TRPC4: variants seen among roughly 807,000 people sequenced by gnomAD.
TRPC4 encodes short transient receptor potential channel 4.
A neutral mutation model predicts 99.4 loss-of-function variants in TRPC4; 49 were observed. The ratio of observed to expected loss-of-function variants is 0.49; its 90% CI spans 0.39 to 0.63. The LOEUF (loss-of-function observed/expected upper bound fraction) is 0.63. Ranked by LOEUF, TRPC4 falls within the 20% of genes least tolerant of loss-of-function variation. TRPC4 has a pLI of 0.00. For synonymous variants in TRPC4, 454 were observed against 425.9 expected (o/e 1.07, Z -0.81); for missense variants, 898 against 1,152.9 (o/e 0.78, Z 3.20).
In TRPC4 at chr13:37,663,406, T is replaced by C. The variant is rs371637545; in HGVS notation, c.1688+10A>G. ...ACAACATTACCAGTAGAAATGTCTA[T>C]TAGACTTACGTTGAAAATGCATTAT... On this transcript the variant is annotated intron_variant, in intron 6 of 10. Coordinates refer to ENST00000379705, the MANE Select transcript of TRPC4 (RefSeq NM_016179.4). 1 of 1,605,634 alleles carries C rather than the reference T, an allele frequency of 6.2e-7. No homozygotes were observed. Among genetic ancestry groups the C allele is most frequent in the African/African-American group, 1.3e-5 (1 of 74,700 alleles).
intron 3 of TRPC4, among the ~76,000 whole-genome samples, chr13:37,730,117 C>T (rs559488497): frequency 5.3e-5 from 8 of 151,830 alleles, no homozygotes; most frequent in East Asian, 3.9e-4. Flanking sequence ...AGGTTTCCAG[C>T]GAAAACATTA....
chr13:37,828,739 AC>A (rs1172488316), intron 1 of TRPC4, among the ~76,000 whole-genome samples: 13 of 152,232 alleles, frequency 8.5e-5, no homozygotes, highest in Admixed American at 3.3e-4. Flanking sequence ...GGAACAGAAA[AC>A]CAAATACCAC....
chr13:37,741,662 A>G (rs1308545910), intron 3 of TRPC4, among the ~76,000 whole-genome samples: 1 of 151,820 alleles, frequency 6.6e-6, no homozygotes, highest in African/African-American at 2.4e-5. Flanking sequence ...ACAACGTGAA[A>G]GCAAAGAAAA....
intron 3 of TRPC4, among the ~76,000 whole-genome samples, chr13:37,705,613 G>A (rs907252166): frequency 9.2e-5 from 14 of 151,894 alleles, no homozygotes; most frequent in Non-Finnish European, 1.5e-4. Context: ...AAAGAAAATC[G>A]TATGCATGAC....
At chr13:37,819,834 A>C (rs1957963855) in intron 1 of TRPC4, among the ~76,000 whole-genome samples, 1 of 151,938 alleles carries the variant, frequency 6.6e-6, no homozygotes, top group East Asian at 1.9e-4. Context: ...AAAGTTAAAA[A>C]AAAAAACAAA....
intron 3 of TRPC4, among the ~76,000 whole-genome samples, chr13:37,698,185 G>T (rs1383067018): frequency 3.8e-3 from 1 of 260 alleles, no homozygotes; most frequent in Non-Finnish European, 0.025. Flanking sequence ...TTTTGAGTGG[G>T]AATCTCACTC....
Position 37,783,342 on chromosome 13 carries a change from C to A in TRPC4, c.-9G>T. ...TAATAGAACTGAGCCATGTTTCATG[C>A]CATGCTATTTCTTCGTCTCTGAAAG... On this transcript the variant is annotated 5_prime_UTR_variant, in exon 2 of 11. Transcript: ENST00000379705. 2 of 1,529,816 alleles carry A rather than the reference C, an allele frequency of 1.3e-6. No homozygotes were observed. Among genetic ancestry groups the A allele is most frequent in the South Asian group, 1.3e-5 (1 of 76,716 alleles). The allele number at this position is 1,529,816 out of a possible 1,614,324, so 94.8% of individuals were successfully genotyped here. A position where few individuals can be genotyped will look rare whatever the true frequency, so the allele number is the denominator to read the frequency against.
intron 1 of TRPC4, among the ~76,000 whole-genome samples, chr13:37,789,430 C>G (rs994451071): frequency 6.6e-6 from 1 of 152,046 alleles, no homozygotes; most frequent in Non-Finnish European, 1.5e-5. Flanking sequence ...CTTTATAAAC[C>G]CTGTGGATCT....
chr13:37,646,004 C>T (rs1397462714), intron 8 of TRPC4, among the ~76,000 whole-genome samples: 1 of 152,318 alleles, frequency 6.6e-6, no homozygotes, highest in Non-Finnish European at 1.5e-5. Flanking sequence ...TGTCATTAGG[C>T]CTACTAAGCG....
chr13:37,851,194 T>A (rs1224073860), intron 1 of TRPC4, among the ~76,000 whole-genome samples: 1 of 152,192 alleles, frequency 6.6e-6, no homozygotes, highest in Non-Finnish European at 1.5e-5. Context: ...TTAAAATTAG[T>A]CTCCAGTCAT....
intron 2 of TRPC4, among the ~76,000 whole-genome samples, chr13:37,768,664 ACACACACG>A (rs1159590940): frequency 2.0e-3 from 51 of 24,928 alleles, no homozygotes; most frequent in African/African-American, 0.01. Flanking sequence ...ACACATACGA[ACACACACG>A]CACACACACA....
At chr13:37,756,892 A>G (rs1329727450) in intron 2 of TRPC4, among the ~76,000 whole-genome samples, 1 of 152,034 alleles carries the variant, frequency 6.6e-6, no homozygotes, top group African/African-American at 2.4e-5. Context: ...GAAAATAATT[A>G]TAATAAACAC....
intron 1 of TRPC4, among the ~76,000 whole-genome samples, chr13:37,795,172 C>T (rs1375053893): frequency 4.1e-5 from 6 of 147,430 alleles, no homozygotes; most frequent in African/African-American, 1.5e-4. Context: ...TTTACAAATT[C>T]ACACATGTAT....
At chr13:37,684,731 AT>A (rs933940309) in intron 4 of TRPC4, among the ~76,000 whole-genome samples, 3 of 151,906 alleles carry the variant, frequency 2.0e-5, no homozygotes, top group African/African-American at 7.3e-5. Flanking sequence ...ACTTCTGAAC[AT>A]TTTAAAAATA....
chr13:37,860,315 T>G (rs1216586706), intron 1 of TRPC4, among the ~76,000 whole-genome samples: 1 of 151,326 alleles, frequency 6.6e-6, no homozygotes, highest in Non-Finnish European at 1.5e-5. Context: ...TGAGCACTCA[T>G]TTTAGTGTAA....
intron 2 of TRPC4, among the ~76,000 whole-genome samples, chr13:37,757,007 C>T (rs1956114081): frequency 6.6e-6 from 1 of 151,782 alleles, no homozygotes; most frequent in African/African-American, 2.4e-5. Flanking sequence ...ATCCTGTGGA[C>T]CCTAATTCAG....
At chr13:37,748,109 A>G (rs1955835270) in intron 2 of TRPC4, among the ~76,000 whole-genome samples, 2 of 152,212 alleles carry the variant, frequency 1.3e-5, no homozygotes, top group Admixed American at 1.3e-4. Context: ...AAAATTTACA[A>G]CTTATGTATT....
At chr13:37,689,009 C>T (rs1953587726) in intron 4 of TRPC4, among the ~76,000 whole-genome samples, 1 of 152,128 alleles carries the variant, frequency 6.6e-6, no homozygotes, top group African/African-American at 2.4e-5. Flanking sequence ...TCAAATCAGA[C>T]TGTGCATTTT....
At chr13:37,690,181 T>C (rs890744433) in intron 4 of TRPC4, among the ~76,000 whole-genome samples, 3 of 152,248 alleles carry the variant, frequency 2.0e-5, no homozygotes, top group African/African-American at 7.2e-5. Context: ...AAAACATTCT[T>C]AATGAGATAT....
Sources: gnomAD v4.1 joint callset for allele counts (sites outside exome capture counted in the v4.1 genomes callset) on GRCh38, gnomAD v4.1.1 for gene constraint, MANE v1.5 for transcripts, NCBI Gene and HGNC (gene_info 2026-07-23, HGNC 2026-07-21) for gene names.